MYH9: variants seen among roughly 807,000 people sequenced by gnomAD.
MYH9 encodes myosin heavy chain 9, also known as myosin-9.
In MYH9, 29 loss-of-function variants were observed where a neutral mutation model predicts 241.9. That is an observed-to-expected ratio of 0.12 (90% CI 0.09 to 0.16). The LOEUF (loss-of-function observed/expected upper bound fraction) is 0.16. Among genes scored for constraint, MYH9 ranks in the 10% least tolerant of loss-of-function variants. The pLI is 1.00. For missense variants in MYH9, 1,803 were observed against 2,595.5 expected, an observed-to-expected ratio of 0.69 and a Z score of 6.63; for synonymous variants, 1,047 against 1,062.6, an observed-to-expected ratio of 0.99 and a Z score of 0.29.
chr22:36,312,862 A>C (rs2017087730), intron 13 of MYH9, among the ~76,000 whole-genome samples: 1 of 152,048 alleles, frequency 6.6e-6, no homozygotes, highest in South Asian at 2.1e-4. Flanking sequence ...TAATCCCAGC[A>C]CTTTGGGAGG....
rs60243741 is a variant in MYH9 at position 36,348,844 on chromosome 22, C to G, written c.333+60G>C. The G allele has an allele frequency of 2.8e-4, 300 of 1,081,166 alleles. 19 individuals carry two copies. The African/African-American group carries it at 4.1e-3, about 15-fold the overall frequency. 67.0% of individuals were successfully genotyped at this position (1,081,166 alleles called of 1,614,324 possible). ...CGTGAGGGTGATGGGAAGACCCGCC[C>G]CCCCCCCCCACCTCGGAGCCCTCAG... is the stretch of plus-strand genomic sequence containing the variant. On this transcript the variant is annotated intron_variant, in intron 2 of 40. Transcript: ENST00000216181.
intron 1 of MYH9, among the ~76,000 whole-genome samples, chr22:36,360,253 T>C (rs1384390177): frequency 3.3e-5 from 5 of 152,132 alleles, no homozygotes; most frequent in Non-Finnish European, 5.9e-5. Context: ...CTGCAGGTTA[T>C]ATCCATCCAT....
At chr22:36,318,373 C>T in intron 10 of MYH9, 48 bp from the exon 11 acceptor site, 1 of 1,435,902 alleles carries the variant, frequency 7.0e-7, no homozygotes, top group Non-Finnish European at 9.8e-7. Flanking sequence ...CCTAATTAGA[C>T]CCAAGAGAGA....
chr22:36,310,199 G>A (rs1223485282), intron 14 of MYH9, among the ~76,000 whole-genome samples: 6 of 151,264 alleles, frequency 4.0e-5, no homozygotes, highest in Non-Finnish European at 5.9e-5. Flanking sequence ...GAACCTGGGA[G>A]ACGGAGGTTG....
intron 1 of MYH9, among the ~76,000 whole-genome samples, chr22:36,369,017 C>T (rs1372091951): frequency 4.6e-5 from 7 of 152,102 alleles, no homozygotes; most frequent in African/African-American, 7.2e-5. Flanking sequence ...CTCTGTACCA[C>T]GCTGGTCCTC....
At chr22:36,334,782 G>A (rs1278219633) in intron 3 of MYH9, among the ~76,000 whole-genome samples, 1 of 152,198 alleles carries the variant, frequency 6.6e-6, no homozygotes, top group Non-Finnish European at 1.5e-5. Flanking sequence ...CACACACACG[G>A]CGTCTTACTT....
intron 2 of MYH9, among the ~76,000 whole-genome samples, chr22:36,342,609 T>C (rs1052019373): frequency 2.7e-5 from 4 of 149,002 alleles, no homozygotes; most frequent in Non-Finnish European, 4.5e-5. Flanking sequence ...TTACTTTTTC[T>C]CCCAAGATCC....
In MYH9 at chr22:36,300,003, C is replaced by T; in HGVS notation, c.2976+124G>A. The stretch of plus-strand genomic sequence containing the variant: ...GAGCACTTGCAGTTAAGCAGAAGCC[C>T]TCATGCTGCAGGCAGAAGAGACAGG... On this transcript the variant is annotated intron_variant, in intron 23 of 40. Transcript: ENST00000216181. The surrounding 1 kb of genome is among the most constrained non-coding windows in gnomAD (Gnocchi z 5.0). 1 of 1,402,272 alleles carries T rather than the reference C, an allele frequency of 7.1e-7. No individual in the cohort carries two copies. The allele number at this position is 1,402,272 out of a possible 1,614,324, so 86.9% of individuals were successfully genotyped here. A position where few individuals can be genotyped will look rare whatever the true frequency, so the allele number is the denominator to read the frequency against.
chr22:36,384,988 C>T (rs2018329545), intron 1 of MYH9, among the ~76,000 whole-genome samples: 1 of 151,980 alleles, frequency 6.6e-6, no homozygotes, highest in Non-Finnish European at 1.5e-5. Flanking sequence ...GGCTGAGAGG[C>T]AGTGACTCTC....
At chr22:36,355,880 A>G (rs1310026033) in intron 1 of MYH9, among the ~76,000 whole-genome samples, 1 of 152,150 alleles carries the variant, frequency 6.6e-6, no homozygotes, top group Non-Finnish European at 1.5e-5. Context: ...TGATAATGCC[A>G]CCTCAAAGCT....
chr22:36,360,721 A>G (rs1004982557), intron 1 of MYH9, among the ~76,000 whole-genome samples: 1 of 151,912 alleles, frequency 6.6e-6, no homozygotes, highest in Non-Finnish European at 1.5e-5. Flanking sequence ...TCAAAAAAAA[A>G]AAAAAGAAAG....
At chr22:36,313,088 C>G (rs1464409402) in intron 13 of MYH9, among the ~76,000 whole-genome samples, 2 of 94,296 alleles carry the variant, frequency 2.1e-5, no homozygotes, top group Non-Finnish European at 5.5e-5. Flanking sequence ...AAAAATCTGT[C>G]TCAAAAAAAA....
intron 1 of MYH9, among the ~76,000 whole-genome samples, chr22:36,386,837 G>T (rs2018359316): frequency 6.6e-6 from 1 of 152,276 alleles, no homozygotes; most frequent in South Asian, 2.1e-4. Flanking sequence ...GAACAGGATG[G>T]GGTGAGGACC....
intron 11 of MYH9, 95 bp downstream of exon 11, chr22:36,318,112 G>T: frequency 9.3e-7 from 1 of 1,073,362 alleles, no homozygotes; most frequent in South Asian, 1.2e-5. Flanking sequence ...TGCCTGACAC[G>T]GACACCCCAG....
chr22:36,281,642 G>A lies in MYH9; in HGVS notation c.*1026C>T. ...TCTTCTAAACAAAGGCAGTGAGAAA[G>A]ACTCGGAATTTTATCATTTATTACA... On this transcript the variant is annotated 3_prime_UTR_variant, in exon 41 of 41. Coordinates refer to ENST00000216181, the MANE Select transcript of MYH9 (RefSeq NM_002473.6). The A allele has an allele frequency of 4.3e-6, 1 of 230,640 alleles. No homozygotes were observed. The highest frequency in any genetic ancestry group is 8.6e-6 in the Non-Finnish European group (1 of 116,154). The allele number at this position is 230,640 out of a possible 1,614,324, so 14.3% of individuals were successfully genotyped here. A position where few individuals can be genotyped will look rare whatever the true frequency, so the allele number is the denominator to read the frequency against.
At chr22:36,299,411 C>T (rs564469545) in intron 23 of MYH9, among the ~76,000 whole-genome samples, 1 of 152,330 alleles carries the variant, frequency 6.6e-6, no homozygotes, top group African/African-American at 2.4e-5. Flanking sequence ...CCGTGCCCCT[C>T]TCTCACCTGC....
intron 1 of MYH9, among the ~76,000 whole-genome samples, chr22:36,365,508 C>T (rs887287227): frequency 1.3e-5 from 2 of 152,040 alleles, no homozygotes; most frequent in African/African-American, 4.8e-5. Flanking sequence ...TCACCGTCGC[C>T]CAGGCTGGAG....
At position 36,320,206 on chromosome 22, in the gene MYH9, G is replaced by A; in HGVS notation, c.1012+14C>T. On this transcript the variant is annotated intron_variant, in intron 9 of 40. Coordinates refer to ENST00000216181, the MANE Select transcript of MYH9 (RefSeq NM_002473.6). The surrounding 1 kb of genome is among the most constrained non-coding windows in gnomAD (Gnocchi z 4.8). Reference sequence around the variant, plus strand: ...TCTGCCCCACACTCGACCATAGGAGGGCCAGCCCTGTACCCATTTGCTCCT... The same window carrying A: ...TCTGCCCCACACTCGACCATAGGAGAGCCAGCCCTGTACCCATTTGCTCCT... The A allele has an allele frequency of 1.2e-6, 2 of 1,614,070 alleles. No individual in the cohort carries two copies. The highest frequency in any genetic ancestry group is 1.6e-4 in the Middle Eastern group (1 of 6,062).
rs1386089062 is a variant in MYH9, at chr22:36,281,817, C to A, written c.*851G>T. 8.7e-6 allele frequency: 2 copies of A among 231,150 alleles called. No homozygotes were observed. Among genetic ancestry groups the A allele is most frequent in the African/African-American group, 4.4e-5 (2 of 45,196 alleles). 14.3% of individuals were successfully genotyped at this position (231,150 alleles called of 1,614,324 possible). A position where few individuals can be genotyped will look rare whatever the true frequency, so the allele number is the denominator to read the frequency against. Reference sequence around the variant, plus strand: ...CAAGATCGCCTGGGAGGGCCGCTGGCCCCTCTAACGCTCTGGCTGTCAGAC... The same window carrying A: ...CAAGATCGCCTGGGAGGGCCGCTGGACCCTCTAACGCTCTGGCTGTCAGAC... On this transcript the variant is annotated 3_prime_UTR_variant, in exon 41 of 41. Transcript: ENST00000216181.
Sources: gnomAD v4.1 joint callset for allele counts (sites outside exome capture counted in the v4.1 genomes callset) on GRCh38, gnomAD v4.1.1 for gene constraint, Gnocchi (gnomAD v3.1) non-coding constraint, MANE v1.5 for transcripts, NCBI Gene and HGNC (gene_info 2026-07-23, HGNC 2026-07-21) for gene names.